The following DMD variants were observed in gnomAD, a reference collection of about 807,000 sequenced individuals.
The protein encoded by DMD is mutant dystrophin.
A neutral mutation model predicts 330.1 loss-of-function variants in DMD; 63 were observed. That is an observed-to-expected ratio of 0.19 (90% CI 0.16 to 0.24). The LOEUF is 0.24. Ranked by LOEUF, DMD falls within the 10% of genes least tolerant of loss-of-function variation. The pLI, the probability that DMD is intolerant of heterozygous loss-of-function variation, is 1.00. For missense variants in DMD, 3,344 were observed against 2,684.1 expected, an observed-to-expected ratio of 1.25 and a Z score of -5.43; for synonymous variants, 1,223 against 959.8, an observed-to-expected ratio of 1.27 and a Z score of -5.07.
chrX:31,552,242 G>A lies in DMD; in HGVS notation c.8218-44789C>T, dbSNP rs181202995. On this transcript the variant is annotated intron_variant, in intron 55 of 78. Coordinates refer to ENST00000357033, the MANE Select transcript of DMD (RefSeq NM_004006.3). Reference sequence around the variant, plus strand: ...AGCTGGAGTGCAGTGGTGAGACCACGGCTCACTGCAGCTTCGACTTCCCAA... The same window carrying A: ...AGCTGGAGTGCAGTGGTGAGACCACAGCTCACTGCAGCTTCGACTTCCCAA... Among the ~76,000 whole-genome samples, 11 of 112,004 alleles carry A rather than the reference G, an allele frequency of 9.8e-5. No individual in the cohort carries two copies. In the East Asian group the frequency reaches 2.0e-3, roughly 20 times the overall value.
intron 1 of DMD, among the ~76,000 whole-genome samples, chrX:33,073,832 CAAATAAAT>C (rs5902051): frequency 0.031 from 3,104 of 99,244 alleles, 126 homozygotes; most frequent in African/African-American, 0.1. Flanking sequence ...AACTCTGTCT[CAAATAAAT>C]AAATAAATAA....
At chrX:31,933,490 G>A (rs765748555) in intron 45 of DMD, among the ~76,000 whole-genome samples, 15 of 96,695 alleles carry the variant, frequency 1.6e-4, no homozygotes, top group Non-Finnish European at 2.8e-4. Flanking sequence ...AAAATTGTTT[G>A]TGCTTAAAAT....
intron 7 of DMD, among the ~76,000 whole-genome samples, chrX:32,792,634 A>T (rs1214673770): frequency 1.8e-5 from 2 of 112,479 alleles, no homozygotes; most frequent in Non-Finnish European, 3.8e-5. Flanking sequence ...AGTATATTTT[A>T]TGCAAACCGA....
At chrX:31,142,277 G>A (rs2036150485) in intron 76 of DMD, among the ~76,000 whole-genome samples, 1 of 111,338 alleles carries the variant, frequency 9.0e-6, no homozygotes, top group African/African-American at 3.3e-5. Flanking sequence ...GTGTTTAGGG[G>A]TGAAGTGTTA....
At chrX:31,411,160 T>C (rs772915615) in intron 60 of DMD, among the ~76,000 whole-genome samples, 16 of 111,141 alleles carry the variant, frequency 1.4e-4, no homozygotes, top group Non-Finnish European at 2.6e-4. Context: ...TGTGAACTTA[T>C]GTGAATTCAT....
intron 51 of DMD, among the ~76,000 whole-genome samples, chrX:31,768,150 C>T (rs1301005831): frequency 9.0e-6 from 1 of 111,277 alleles, no homozygotes; most frequent in Non-Finnish European, 1.9e-5. Flanking sequence ...TTATCCTGAA[C>T]ACCTGGCCAA....
intron 44 of DMD, among the ~76,000 whole-genome samples, chrX:32,136,938 A>G (rs1456487463): frequency 9.0e-6 from 1 of 111,279 alleles, no homozygotes; most frequent in African/African-American, 3.3e-5. Context: ...GCAGCGCACC[A>G]GCATGGCACA....
chrX:32,000,492 A>G (rs973486483), intron 44 of DMD, among the ~76,000 whole-genome samples: 2 of 112,190 alleles, frequency 1.8e-5, no homozygotes, highest in Non-Finnish European at 3.8e-5. Context: ...GCTTCATGAA[A>G]TTACCTTAAA....
chrX:33,127,350 TA>T lies in DMD; in HGVS notation c.31+83931del, dbSNP rs746302396. Among the ~76,000 whole-genome samples the T allele has an allele frequency of 6.6e-3, 732 of 110,355 alleles. 6 individuals carry two copies. The highest frequency in any genetic ancestry group is 0.011 in the Non-Finnish European group (570 of 52,618). On this transcript the variant is annotated intron_variant, in intron 1 of 78. Coordinates refer to ENST00000357033, the MANE Select transcript of DMD (RefSeq NM_004006.3). ...TTAGAATTTTAGGATATTCTATAAT[TA>T]AAAAAAAACCTGATAAATCACTACA...
chrX:32,843,102 C>T (rs1045047347), intron 4 of DMD, among the ~76,000 whole-genome samples: 1 of 112,108 alleles, frequency 8.9e-6, no homozygotes, highest in Non-Finnish European at 1.9e-5. Context: ...GCACCGCGCC[C>T]GACCTGTACC....
At chrX:32,694,571 G>A (rs1013701376) in intron 9 of DMD, among the ~76,000 whole-genome samples, 2 of 112,099 alleles carry the variant, frequency 1.8e-5, no homozygotes, top group African/African-American at 3.2e-5. Flanking sequence ...CTCCAATTCT[G>A]CTACCAGATA....
intron 63 of DMD, among the ~76,000 whole-genome samples, chrX:31,243,406 G>T (rs969297813): frequency 5.4e-5 from 6 of 111,843 alleles, no homozygotes; most frequent in Non-Finnish European, 1.1e-4. Flanking sequence ...AAATTAAACT[G>T]TACAGTATTT....
At chrX:32,071,496 C>T (rs1160311272) in intron 44 of DMD, among the ~76,000 whole-genome samples, 1 of 68,611 alleles carries the variant, frequency 1.5e-5, no homozygotes, top group Non-Finnish European at 2.6e-5. Context: ...CATCACACAC[C>T]GGGGCCTGTT....
intron 2 of DMD, among the ~76,000 whole-genome samples, chrX:32,996,873 G>T (rs1255542932): frequency 9.0e-6 from 1 of 110,780 alleles, no homozygotes; most frequent in Non-Finnish European, 1.9e-5. Context: ...TGTGCTCATA[G>T]GGCACAATGG....
chrX:33,177,546 G>A (rs183787030), intron 1 of DMD, among the ~76,000 whole-genome samples: 7 of 110,278 alleles, frequency 6.3e-5, no homozygotes, highest in South Asian at 4.0e-4. Context: ...CACCATGCCC[G>A]ACTAATTTTT....
At chrX:32,524,303 T>C (rs1252803017) in intron 17 of DMD, among the ~76,000 whole-genome samples, 1 of 111,995 alleles carries the variant, frequency 8.9e-6, no homozygotes, top group East Asian at 2.8e-4. Flanking sequence ...TGTTTCCTTT[T>C]AAAACGGTCA....
chrX:31,951,128 T>C (rs1236010527), intron 45 of DMD, among the ~76,000 whole-genome samples: 3 of 79,637 alleles, frequency 3.8e-5, no homozygotes, highest in African/African-American at 1.6e-4. Flanking sequence ...TATACATATA[T>C]ATATATATAT....
intron 23 of DMD, 131 bp from the exon 24 acceptor site, chrX:32,464,830 G>A: frequency 1.9e-6 from 1 of 513,774 alleles, no homozygotes; most frequent in Admixed American, 2.8e-5. Context: ...AGTAGTTCTT[G>A]AGGCAAAGAA....
intron 1 of DMD, among the ~76,000 whole-genome samples, chrX:33,304,851 T>C (rs12388216): frequency 0.25 from 24,671 of 100,693 alleles, 2,576 homozygotes; most frequent in East Asian, 0.35. Flanking sequence ...GAAATGCAAA[T>C]CAAAACCACA....
Sources: allele counts gnomAD v4.1 joint callset (sites outside exome capture counted in the v4.1 genomes callset), GRCh38; gene constraint gnomAD v4.1.1; transcripts MANE v1.5; gene names NCBI Gene and HGNC (gene_info 2026-07-23, HGNC 2026-07-21).